The following GRAMD1B variants were observed in gnomAD, a reference collection of about 807,000 sequenced individuals.
The protein encoded by GRAMD1B is GRAM domain containing 1B.
Under a neutral mutation model 99.7 loss-of-function variants are expected in GRAMD1B, and 37 were observed. The observed-to-expected ratio is 0.37, with a 90% CI of 0.29 to 0.49. The LOEUF is 0.49. GRAMD1B is among the 20% of genes least tolerant of loss of function. The pLI is 0.98. For missense variants in GRAMD1B, 888 were observed against 1,009.2 expected (o/e 0.88, Z 1.63); for synonymous variants, 427 against 387.6 (o/e 1.10, Z -1.19).
intron 1 of GRAMD1B, among the ~76,000 whole-genome samples, chr11:123,388,129 C>CA (rs34085785): frequency 0.096 from 6,848 of 71,304 alleles, 424 homozygotes; most frequent in Non-Finnish European, 0.12. Context: ...TCCTCCTCCT[C>CA]AAAAAAAAAA....
chr11:123,548,992 C>A (rs1297208515), intron 2 of GRAMD1B, among the ~76,000 whole-genome samples: 1 of 152,168 alleles, frequency 6.6e-6, no homozygotes, highest in Non-Finnish European at 1.5e-5. Context: ...AGCCTCCCAC[C>A]CCCTCATGGC....
rs11600874 is a variant in GRAMD1B at position 123,515,787 on chromosome 11, A to G, written c.452+34894A>G. On this transcript the variant is annotated intron_variant, in intron 2 of 19. Transcript: ENST00000635736. Reference sequence around the variant, plus strand: ...TATATTCAAACCTTTTTTTTTTTTGAGGCAGAGTCTTGCTCTGTCTCCCAG... The same window carrying G: ...TATATTCAAACCTTTTTTTTTTTTGGGGCAGAGTCTTGCTCTGTCTCCCAG... 1.8e-3 allele frequency among the ~76,000 whole-genome samples: 265 copies of G among 145,182 alleles called. 1 individual carries two copies. Among genetic ancestry groups the G allele is most frequent in the African/African-American group, 6.3e-3 (254 of 40,410 alleles).
intron 1 of GRAMD1B, chr11:123,381,584 C>T (rs915927027): frequency 6.6e-6 from 1 of 152,386 alleles, no homozygotes; most frequent in Non-Finnish European, 1.5e-5. Flanking sequence ...AATTAACATG[C>T]TGGAACTGGA....
chr11:123,396,556 A>G (rs1316270424), intron 1 of GRAMD1B, among the ~76,000 whole-genome samples: 1 of 152,118 alleles, frequency 6.6e-6, no homozygotes, highest in Non-Finnish European at 1.5e-5. Context: ...GATTACAGGC[A>G]TGAGCCACCA....
chr11:123,532,657 C>T (rs746565564), intron 2 of GRAMD1B, among the ~76,000 whole-genome samples: 13 of 152,174 alleles, frequency 8.5e-5, no homozygotes, highest in African/African-American at 1.7e-4. Context: ...AGGCCAAATT[C>T]GGTTTGATGC....
intron 2 of GRAMD1B, among the ~76,000 whole-genome samples, chr11:123,485,985 G>T (rs545570959): frequency 1.1e-3 from 174 of 152,164 alleles, no homozygotes; most frequent in Non-Finnish European, 1.8e-3. Flanking sequence ...CAAAGTGTTG[G>T]GATTACAGGC....
At chr11:123,604,911 A>G (rs1952497288) in intron 9 of GRAMD1B, among the ~76,000 whole-genome samples, 1 of 152,202 alleles carries the variant, frequency 6.6e-6, no homozygotes, top group African/African-American at 2.4e-5. Context: ...AGGAGCGCTC[A>G]TGTCCAGAGT....
intron 2 of GRAMD1B, among the ~76,000 whole-genome samples, chr11:123,500,765 C>T (rs1354225777): frequency 6.6e-6 from 1 of 151,924 alleles, no homozygotes; most frequent in Non-Finnish European, 1.5e-5. Flanking sequence ...CTCTGTCTCC[C>T]AGGGTTCAAG....
At chr11:123,422,155 A>G (rs1948461282) in intron 1 of GRAMD1B, among the ~76,000 whole-genome samples, 1 of 152,128 alleles carries the variant, frequency 6.6e-6, no homozygotes. Context: ...CATTTGTAGG[A>G]GAGGGATGTG....
At chr11:123,498,936 T>G (rs1273615405) in intron 2 of GRAMD1B, among the ~76,000 whole-genome samples, 1 of 152,038 alleles carries the variant, frequency 6.6e-6, no homozygotes, top group Admixed American at 6.6e-5. Flanking sequence ...ATAAAGAAAA[T>G]GTAAATAAAA....
At chr11:123,458,031 T>A (rs993760624) in intron 1 of GRAMD1B, among the ~76,000 whole-genome samples, 1 of 152,204 alleles carries the variant, frequency 6.6e-6, no homozygotes, top group Non-Finnish European at 1.5e-5. Flanking sequence ...ATATTTTAAA[T>A]AGATGAGTAC....
chr11:123,566,772 A>G (rs75780771), intron 2 of GRAMD1B, among the ~76,000 whole-genome samples: 40 of 140,238 alleles, frequency 2.9e-4, no homozygotes, highest in African/African-American at 9.9e-4. Flanking sequence ...TCTCAAAAGC[A>G]AAAAAAAAAA....
At chr11:123,527,227 A>G (rs1942874945) in intron 2 of GRAMD1B, among the ~76,000 whole-genome samples, 1 of 152,126 alleles carries the variant, frequency 6.6e-6, no homozygotes, top group Non-Finnish European at 1.5e-5. Flanking sequence ...GTTGATTTTC[A>G]GAGTCAGGGA....
At chr11:123,489,812 G>A (rs2714086) in intron 2 of GRAMD1B, among the ~76,000 whole-genome samples, 64,977 of 152,044 alleles carry the variant, frequency 0.43, 15,910 homozygotes, top group African/African-American at 0.67. Context: ...GTAGAAATTG[G>A]TATCTCAAGG....
chr11:123,476,578 G>T (rs1271960074), intron 1 of GRAMD1B, among the ~76,000 whole-genome samples: 2 of 152,144 alleles, frequency 1.3e-5, no homozygotes, highest in Admixed American at 1.3e-4. Context: ...TGTGTTCCCT[G>T]GAGCTTTCCA....
At chr11:123,402,069 A>T (rs1453178101) in intron 1 of GRAMD1B, among the ~76,000 whole-genome samples, 1 of 152,174 alleles carries the variant, frequency 6.6e-6, no homozygotes. Flanking sequence ...AGGTTGGAGT[A>T]CAAGGGTGCA....
chr11:123,426,601 G>A (rs1026350956), upstream of GRAMD1B, among the ~76,000 whole-genome samples: 19 of 152,036 alleles, frequency 1.2e-4, no homozygotes, highest in East Asian at 1.9e-4. Context: ...GGGATTGGCC[G>A]TTCGAATGTT....
intron 17 of GRAMD1B, among the ~76,000 whole-genome samples, chr11:123,615,229 G>T (rs1041348757): frequency 6.6e-6 from 1 of 152,226 alleles, no homozygotes; most frequent in Non-Finnish European, 1.5e-5. Context: ...TCTGCTCTGT[G>T]CCAGGCACTG....
rs781326683 is a variant in GRAMD1B at position 123,606,519 on chromosome 11, G to A, written c.1324-90G>A. 5.0e-5 allele frequency: 59 copies of A among 1,169,594 alleles called. No homozygotes were observed. In the East Asian group the frequency reaches 1.5e-3, roughly 29 times the overall value. The allele number at this position is 1,169,594 out of a possible 1,614,324, so 72.5% of individuals were successfully genotyped here. A position where few individuals can be genotyped will look rare whatever the true frequency, so the allele number is the denominator to read the frequency against. On this transcript the variant is annotated intron_variant, in intron 10 of 19. Coordinates refer to ENST00000635736, the MANE Select transcript of GRAMD1B (RefSeq NM_001387025.1). ...CTGAGCAGCTGAGCTGGGAGTATGA[G>A]AGCTGCCAAGGCTGCATCCCTAATC...
Sources: allele counts gnomAD v4.1 joint callset (sites outside exome capture counted in the v4.1 genomes callset), GRCh38; gene constraint gnomAD v4.1.1; transcripts MANE v1.5; gene names NCBI Gene and HGNC (gene_info 2026-07-23, HGNC 2026-07-21).